COL11A1: variants seen among roughly 807,000 people sequenced by gnomAD.
COL11A1 encodes the protein collagen alpha-1(XI) chain.
A neutral mutation model predicts 265.2 loss-of-function variants in COL11A1; 74 were observed. That is an observed-to-expected ratio of 0.28 (90% CI 0.23 to 0.34). The LOEUF (loss-of-function observed/expected upper bound fraction) is 0.34. COL11A1 is among the 10% of genes least tolerant of loss of function. The probability of loss-of-function intolerance (pLI) is 1.00; values close to 1 mark genes in which losing one functional copy is unlikely to be tolerated. For missense variants in COL11A1, 2,165 were observed against 2,263.6 expected (o/e 0.96, Z 0.88); for synonymous variants, 816 against 727.6 (o/e 1.12, Z -1.96).
At chr1:102,950,526 A>C (rs1659772019) in intron 41 of COL11A1, among the ~76,000 whole-genome samples, 1 of 151,934 alleles carries the variant, frequency 6.6e-6, no homozygotes. Flanking sequence ...AAAATATTCA[A>C]CTCACATTCT....
intron 30 of COL11A1, among the ~76,000 whole-genome samples, chr1:102,986,843 A>G (rs1186363560): frequency 1.3e-5 from 2 of 152,174 alleles, no homozygotes; most frequent in African/African-American, 4.8e-5. Flanking sequence ...CAAACAATGA[A>G]TATGATAATT....
At chr1:102,964,648 A>ATG (rs1352308330) in intron 38 of COL11A1, among the ~76,000 whole-genome samples, 1 of 150,574 alleles carries the variant, frequency 6.6e-6, no homozygotes, top group African/African-American at 2.4e-5. Flanking sequence ...CCGTGTGCGC[A>ATG]TGTGTGTGTG....
chr1:102,889,611 A>C, intron 58 of COL11A1, 49 bp from the exon 59 acceptor site: 2 of 1,313,766 alleles, frequency 1.5e-6, no homozygotes, highest in South Asian at 2.4e-5. Context: ...TACTATCTTC[A>C]TAAAATTTTA....
At chr1:103,052,620 T>C (rs1202331334) in intron 4 of COL11A1, among the ~76,000 whole-genome samples, 4 of 152,228 alleles carry the variant, frequency 2.6e-5, no homozygotes, top group African/African-American at 9.6e-5. Flanking sequence ...ATAATGTTTA[T>C]TTTATTTCAA....
intron 42 of COL11A1, 39 bp downstream of exon 42, chr1:102,946,810 G>A: frequency 1.4e-6 from 2 of 1,463,704 alleles, no homozygotes; most frequent in Non-Finnish European, 1.9e-6. Context: ...ACGTGTACAG[G>A]GTAGCAGCAT....
intron 10 of COL11A1, among the ~76,000 whole-genome samples, chr1:103,018,276 T>C (rs2101917085): frequency 6.6e-6 from 1 of 152,278 alleles, no homozygotes; most frequent in Middle Eastern, 3.4e-3. Context: ...GGTAAACATA[T>C]TTAAATGCAT....
intron 57 of COL11A1, 77 bp from the exon 58 acceptor site, chr1:102,890,581 G>A (rs1651643019): frequency 8.2e-7 from 1 of 1,220,768 alleles, no homozygotes; most frequent in Non-Finnish European, 1.1e-6. Flanking sequence ...ACTAGTCACA[G>A]ACCTAGTTTA....
intron 31 of COL11A1, among the ~76,000 whole-genome samples, chr1:102,981,394 T>TG (rs1663023043): frequency 7.0e-6 from 1 of 142,134 alleles, no homozygotes; most frequent in Non-Finnish European, 1.6e-5. Flanking sequence ...ATAAAAATTT[T>TG]GAGGGGGGGG....
chr1:103,080,829 A>C (rs1672352693), intron 2 of COL11A1, among the ~76,000 whole-genome samples: 2 of 151,920 alleles, frequency 1.3e-5, no homozygotes, highest in African/African-American at 4.8e-5. Context: ...AAATGCAATC[A>C]GTATGTCAAA....
intron 4 of COL11A1, among the ~76,000 whole-genome samples, chr1:103,049,559 C>T (rs992052517): frequency 6.6e-6 from 1 of 152,146 alleles, no homozygotes; most frequent in Non-Finnish European, 1.5e-5. Context: ...ATCCAATTTG[C>T]CAGTCTGTGT....
intron 9 of COL11A1, 151 bp from the exon 10 acceptor site, chr1:103,019,010 G>T (rs1666784533): frequency 3.2e-6 from 2 of 629,554 alleles, no homozygotes; most frequent in African/African-American, 1.8e-5. Flanking sequence ...TTTTGCACAG[G>T]GAAGGAAAGA....
chr1:102,988,139 G>T (rs1663762942), intron 29 of COL11A1, among the ~76,000 whole-genome samples: 1 of 152,056 alleles, frequency 6.6e-6, no homozygotes, highest in African/African-American at 2.4e-5. Context: ...TTAGCCTTTT[G>T]AGATGTCTTT....
At chr1:102,948,396 G>C (rs889119446) in intron 41 of COL11A1, among the ~76,000 whole-genome samples, 1 of 152,004 alleles carries the variant, frequency 6.6e-6, no homozygotes, top group Non-Finnish European at 1.5e-5. Flanking sequence ...CTGATTTCTT[G>C]ACAAAGCCAC....
Position 103,021,652 on chromosome 1 carries a change from CG to C in COL11A1, c.1308+54del, listed in dbSNP as rs1328387926. On this transcript the variant is annotated intron_variant, in intron 9 of 66. Coordinates refer to ENST00000370096, the MANE Select transcript of COL11A1 (RefSeq NM_001854.4). ...AACATACATAATAATTTAACATAAT[CG>C]TGGCTCATAAGCAATTTTACCAACC... 3 of 1,090,882 alleles carry C rather than the reference CG, an allele frequency of 2.8e-6. No individual in the cohort carries two copies. The African/African-American group carries it at 4.6e-5, about 17-fold the overall frequency. The allele number at this position is 1,090,882 out of a possible 1,614,324, so 67.6% of individuals were successfully genotyped here.
rs529149333 is a variant in COL11A1, at chr1:102,903,014, G to A, written c.4087-4020C>T. Reference sequence around the variant, plus strand: ...GAACTTCCCTTTGGCAATATGAGCCGAATTCAAATTTCCATTTAATATGTG... The same window carrying A: ...GAACTTCCCTTTGGCAATATGAGCCAAATTCAAATTTCCATTTAATATGTG... On this transcript the variant is annotated intron_variant, in intron 54 of 66. Coordinates refer to ENST00000370096, the MANE Select transcript of COL11A1 (RefSeq NM_001854.4). Among the ~76,000 whole-genome samples, 15 of 151,924 alleles carry A rather than the reference G, an allele frequency of 9.9e-5. No homozygotes were observed. In the South Asian group the frequency reaches 2.3e-3, roughly 23 times the overall value.
At chr1:103,003,713 G>A (rs1000935284) in intron 20 of COL11A1, among the ~76,000 whole-genome samples, 7 of 152,182 alleles carry the variant, frequency 4.6e-5, no homozygotes, top group East Asian at 1.9e-4. Context: ...GAAAGAAAAC[G>A]ATCATCTGTG....
intron 56 of COL11A1, 132 bp from the exon 57 acceptor site, chr1:102,898,310 A>G (rs1652708326): frequency 8.1e-6 from 3 of 368,186 alleles, no homozygotes; most frequent in South Asian, 1.8e-4. Context: ...TATGGAGGAC[A>G]TCTACAAATA....
intron 4 of COL11A1, among the ~76,000 whole-genome samples, chr1:103,045,464 C>T (rs1379587287): frequency 2.6e-5 from 4 of 152,066 alleles, no homozygotes; most frequent in Non-Finnish European, 5.9e-5. Flanking sequence ...ATAGACAATA[C>T]TTAGTTGGCA....
chr1:102,977,433 T>C (rs1662604003), intron 35 of COL11A1, among the ~76,000 whole-genome samples: 1 of 152,148 alleles, frequency 6.6e-6, no homozygotes, highest in Admixed American at 6.6e-5. Flanking sequence ...CAAAGTGTTT[T>C]TAAAAGTAAT....
Sources: gnomAD v4.1 joint callset for allele counts (sites outside exome capture counted in the v4.1 genomes callset) on GRCh38, gnomAD v4.1.1 for gene constraint, MANE v1.5 for transcripts, NCBI Gene and HGNC (gene_info 2026-07-23, HGNC 2026-07-21) for gene names.